The following TACC2 variants were observed in gnomAD, a reference collection of about 807,000 sequenced individuals.
The protein encoded by TACC2 is transforming acidic coiled-coil containing protein 2, also known as transforming acidic coiled-coil-containing protein 2.
TACC2 carries 137 observed loss-of-function variants against 227.3 expected under a neutral mutation model. That is an observed-to-expected ratio of 0.60 (90% CI 0.52 to 0.69). TACC2 has a LOEUF of 0.69. TACC2 is among the 30% of genes least tolerant of loss of function. TACC2 has a pLI of 0.00. For synonymous variants in TACC2, 1,523 were observed against 1,487.5 expected, an observed-to-expected ratio of 1.02 and a Z score of -0.55; for missense variants, 3,470 against 3,694.4, an observed-to-expected ratio of 0.94 and a Z score of 1.57.
At chr10:122,178,429 G>A (rs752157508) in intron 7 of TACC2, among the ~76,000 whole-genome samples, 1 of 151,932 alleles carries the variant, frequency 6.6e-6, no homozygotes, top group Non-Finnish European at 1.5e-5. Flanking sequence ...TAGAGGCAAG[G>A]TTTCCTCATG....
At chr10:122,047,124 A>G (rs1012734871) in intron 2 of TACC2, among the ~76,000 whole-genome samples, 1 of 151,600 alleles carries the variant, frequency 6.6e-6, no homozygotes, top group South Asian at 2.1e-4. Flanking sequence ...CCCCGTCTCT[A>G]CTAAAAATAC....
intron 2 of TACC2, among the ~76,000 whole-genome samples, chr10:122,049,457 C>T (rs1180583950): frequency 1.3e-5 from 2 of 152,126 alleles, no homozygotes; most frequent in Non-Finnish European, 2.9e-5. Context: ...ATGTACACTC[C>T]AGTGGGCAGG....
intron 2 of TACC2, among the ~76,000 whole-genome samples, chr10:122,031,559 T>C (rs1329959400): frequency 2.1e-5 from 3 of 144,944 alleles, no homozygotes; most frequent in Non-Finnish European, 3.0e-5. Flanking sequence ...CGCCCACCAC[T>C]GCGCCCGGCT....
At chr10:122,014,903 A>G (rs1013530958) in intron 1 of TACC2, among the ~76,000 whole-genome samples, 1 of 152,216 alleles carries the variant, frequency 6.6e-6, no homozygotes, top group Non-Finnish European at 1.5e-5. Context: ...GTTGCCAACA[A>G]CTAGAAAGCC....
At chr10:122,149,607 C>T (rs1684796938) in intron 7 of TACC2, among the ~76,000 whole-genome samples, 1 of 152,194 alleles carries the variant, frequency 6.6e-6, no homozygotes, top group Non-Finnish European at 1.5e-5. Context: ...CAGAAACCTC[C>T]CCATTCCCTC....
Position 122,210,950 on chromosome 10 carries a change from G to A in TACC2, c.6525G>A (p.Thr2175=), listed in dbSNP as rs1371630068. Residue 2175 remains threonine (T), a synonymous_variant, in exon 9 of 23, where the codon ACG becomes ACA. Coordinates refer to ENST00000369005, the MANE Select transcript of TACC2 (RefSeq NM_206862.4). The surrounding 1 kb of genome is among the most constrained non-coding windows in gnomAD (Gnocchi z 4.6). ...AGAATCTAGCATCTGAGACGAAAAC[G>A]GAATCTGCCAAGACGGAAGGTCCTA... ...SGENLASETK[T]ESAKTEGPSP... 1.5e-5 allele frequency: 24 copies of A among 1,613,828 alleles called. No homozygotes were observed. The highest frequency in any genetic ancestry group is 1.7e-5 in the Non-Finnish European group (20 of 1,179,994).
intron 7 of TACC2, among the ~76,000 whole-genome samples, chr10:122,185,255 G>A (rs1028055339): frequency 1.3e-5 from 2 of 150,906 alleles, no homozygotes; most frequent in East Asian, 1.9e-4. Flanking sequence ...GCAATGGCGC[G>A]ATCTTGGCTC....
chr10:122,054,400 G>T (rs1214648361), intron 3 of TACC2, among the ~76,000 whole-genome samples: 1 of 152,232 alleles, frequency 6.6e-6, no homozygotes, highest in Non-Finnish European at 1.5e-5. Flanking sequence ...TGCCAGTACA[G>T]CTGATGTAGC....
intron 5 of TACC2, among the ~76,000 whole-genome samples, chr10:122,097,300 G>A (rs1211895518): frequency 6.6e-6 from 1 of 152,142 alleles, no homozygotes; most frequent in Non-Finnish European, 1.5e-5. Context: ...CTGTACTCCT[G>A]GGTACAGCCT....
chr10:122,240,915 G>C (rs1194025834), intron 18 of TACC2, among the ~76,000 whole-genome samples: 1 of 152,168 alleles, frequency 6.6e-6, no homozygotes, highest in Non-Finnish European at 1.5e-5. Flanking sequence ...GTCTATTGAG[G>C]CTTCCCAAGA....
intron 5 of TACC2, among the ~76,000 whole-genome samples, chr10:122,108,892 C>T (rs1265330798): frequency 6.6e-6 from 1 of 152,044 alleles, no homozygotes; most frequent in Non-Finnish European, 1.5e-5. Context: ...CGCCACCACG[C>T]CTGGCTAATT....
At chr10:122,192,705 G>A in intron 7 of TACC2, 1 of 456,732 alleles carries the variant, frequency 2.2e-6, no homozygotes, top group South Asian at 1.5e-5. Context: ...GGCAGAGGTG[G>A]TCCCCAGTGG....
chr10:122,225,178 G>GT (rs911554618), intron 12 of TACC2, among the ~76,000 whole-genome samples: 1 of 152,082 alleles, frequency 6.6e-6, no homozygotes, highest in African/African-American at 2.4e-5. Flanking sequence ...TTTCTCCCTG[G>GT]TTTTTCATTT....
chr10:122,188,090 T>C (rs1593099936), intron 7 of TACC2, among the ~76,000 whole-genome samples: 1 of 151,888 alleles, frequency 6.6e-6, no homozygotes, highest in African/African-American at 2.4e-5. Context: ...TTGTTAAGGT[T>C]CCCTACCCTC....
chr10:122,190,757 C>T (rs1565556548), intron 7 of TACC2, among the ~76,000 whole-genome samples: 1 of 152,030 alleles, frequency 6.6e-6, no homozygotes, highest in East Asian at 1.9e-4. Flanking sequence ...TGATGTGCAG[C>T]GGGGGGAGAA....
chr10:122,000,206 C>T (rs533031147), intron 1 of TACC2, among the ~76,000 whole-genome samples: 4 of 152,190 alleles, frequency 2.6e-5, no homozygotes, highest in African/African-American at 7.2e-5. Flanking sequence ...GGTGAAACCC[C>T]GTCTCTACTA....
chr10:122,108,402 A>G (rs11200399), intron 5 of TACC2, among the ~76,000 whole-genome samples: 3 of 86,626 alleles, frequency 3.5e-5, no homozygotes, highest in African/African-American at 7.5e-5. Flanking sequence ...CTCTCTCTCT[A>G]TGTGTGTGTG....
rs770892417 is a variant in TACC2, at chr10:122,050,551, G to A, written c.146+1G>A. ...GCCCTGACCACAGAGACGCGTCCAG[G>A]TAGGAGGCCAGCTCTGGAGGACTGA... On this transcript the variant is annotated splice_donor_variant, in intron 3 of 22. Transcript: ENST00000369005. LOFTEE classifies it high-confidence loss of function. This position sits in a 1 kb window ranked among gnomAD's most constrained non-coding sequence, Gnocchi z 4.6. The A allele has an allele frequency of 5.0e-5, 81 of 1,611,694 alleles. No homozygotes were observed. The highest frequency in any genetic ancestry group is 6.4e-5 in the Non-Finnish European group (76 of 1,178,318).
At chr10:122,111,738 T>G (rs2083654914) in intron 5 of TACC2, among the ~76,000 whole-genome samples, 1 of 151,826 alleles carries the variant, frequency 6.6e-6, no homozygotes, top group African/African-American at 2.4e-5. Context: ...TCGTGATCTG[T>G]CCACCTCGGC....
Sources: gnomAD v4.1 joint callset for allele counts (sites outside exome capture counted in the v4.1 genomes callset) on GRCh38, gnomAD v4.1.1 for gene constraint, Gnocchi (gnomAD v3.1) non-coding constraint, MANE v1.5 for transcripts, NCBI Gene and HGNC (gene_info 2026-07-23, HGNC 2026-07-21) for gene names.